GRID2: variants seen among roughly 807,000 people sequenced by gnomAD.
The protein encoded by GRID2 is glutamate ionotropic receptor delta type subunit 2, also known as glutamate receptor ionotropic, delta-2.
A neutral mutation model predicts 114.8 loss-of-function variants in GRID2; 33 were observed. That is an observed-to-expected ratio of 0.29 (90% CI 0.22 to 0.38). The LOEUF (loss-of-function observed/expected upper bound fraction) is 0.38. GRID2 is among the 10% of genes least tolerant of loss of function. The pLI, the probability that GRID2 is intolerant of heterozygous loss-of-function variation, is 1.00. For synonymous variants in GRID2, 505 were observed against 449.9 expected (o/e 1.12, Z -1.55); for missense variants, 1,184 against 1,257.7 (o/e 0.94, Z 0.89).
At chr4:93,313,148 A>G (rs1047859365) in intron 8 of GRID2, among the ~76,000 whole-genome samples, 6 of 152,132 alleles carry the variant, frequency 3.9e-5, no homozygotes, top group African/African-American at 1.4e-4. Context: ...GTTTGGAAAC[A>G]GGCAAATAGG....
At chr4:93,398,789 T>A (rs1424309961) in intron 9 of GRID2, among the ~76,000 whole-genome samples, 2 of 150,698 alleles carry the variant, frequency 1.3e-5, no homozygotes, top group Non-Finnish European at 3.0e-5. Flanking sequence ...GATGGACTTA[T>A]CAGTTGGGTG....
At chr4:93,451,643 A>AT (rs1280762427) in intron 10 of GRID2, among the ~76,000 whole-genome samples, 8 of 152,110 alleles carry the variant, frequency 5.3e-5, no homozygotes, top group Admixed American at 2.0e-4. Context: ...TACTTTGGCT[A>AT]CAATAGGGAG....
At chr4:93,172,548 A>C (rs376633743) in intron 4 of GRID2, among the ~76,000 whole-genome samples, 1 of 151,926 alleles carries the variant, frequency 6.6e-6, no homozygotes, top group Admixed American at 6.6e-5. Context: ...GCCGAGATCC[A>C]GCCATTGCAC....
intron 1 of GRID2, among the ~76,000 whole-genome samples, chr4:92,492,287 A>ATGG (rs1245374020): frequency 1.3e-5 from 2 of 152,200 alleles, no homozygotes; most frequent in Non-Finnish European, 2.9e-5. Context: ...GTTATTATAT[A>ATGG]TGGTTAGAAG....
chr4:93,742,882 G>T (rs945024684), intron 14 of GRID2, among the ~76,000 whole-genome samples: 1 of 152,080 alleles, frequency 6.6e-6, no homozygotes, highest in African/African-American at 2.4e-5. Flanking sequence ...AAAACAAAAA[G>T]AGTCTCTTTC....
rs575966215 is a variant in GRID2 at position 93,800,051 on chromosome 4, G to A, written c.222-6664G>A. 7.1e-4 allele frequency among the ~76,000 whole-genome samples: 108 copies of A among 152,270 alleles called. No homozygotes were observed. In the Middle Eastern group the frequency reaches 0.014, roughly 19 times the overall value. On this transcript the variant is annotated intron_variant, in intron 1 of 1. Coordinates refer to the GRID2 transcript ENST00000637838. ...AAAGCTCCTATGTTTCCTGGGCTTG[G>A]ATTAATATGTAGAGTAGGAGTTGGT...
rs70942993 is a variant in GRID2 at position 93,784,071 on chromosome 4, CAAAAAAAAAAAAAA to C, written c.221+14636_221+14649del. On this transcript the variant is annotated intron_variant, in intron 1 of 1. Transcript: ENST00000637838. The stretch of plus-strand genomic sequence containing the variant: ...TGGGCGACAGAGCGAGACTCCGTCT[CAAAAAAAAAAAAAA>C]AAAAAAAAAAAAAACCAACCCTTAT... Among the ~76,000 whole-genome samples, 16 of 38,992 alleles carry C rather than the reference CAAAAAAAAAAAAAA, an allele frequency of 4.1e-4. No individual in the cohort carries two copies. The South Asian group carries it at 5.1e-3, about 12-fold the overall frequency. 25.6% of individuals were successfully genotyped at this position (38,992 alleles called of 152,430 possible).
chr4:93,200,590 C>CAAACA (rs1554006839), intron 4 of GRID2, among the ~76,000 whole-genome samples: 3 of 151,422 alleles, frequency 2.0e-5, no homozygotes, highest in African/African-American at 7.3e-5. Flanking sequence ...AACAAACAAA[C>CAAACA]AAAAAAACAT....
chr4:93,699,795 A>C (rs1000615916), intron 14 of GRID2, among the ~76,000 whole-genome samples: 7 of 152,186 alleles, frequency 4.6e-5, no homozygotes, highest in Non-Finnish European at 7.4e-5. Flanking sequence ...GTTATGACAT[A>C]AAGTTTAAAA....
At chr4:93,683,493 C>A (rs1460844736) in intron 14 of GRID2, among the ~76,000 whole-genome samples, 1 of 151,990 alleles carries the variant, frequency 6.6e-6, no homozygotes, top group South Asian at 2.1e-4. Context: ...GATTTTGGTT[C>A]TTTCTTGAAA....
chr4:92,355,337 C>T (rs900713291), intron 1 of GRID2, among the ~76,000 whole-genome samples: 1 of 151,782 alleles, frequency 6.6e-6, no homozygotes, highest in African/African-American at 2.4e-5. Flanking sequence ...GCACTGTCTA[C>T]ATAGGCATGC....
intron 6 of GRID2, among the ~76,000 whole-genome samples, chr4:93,218,723 T>G (rs79343417): frequency 0.017 from 2,628 of 152,246 alleles, 74 homozygotes; most frequent in African/African-American, 0.06. Context: ...TATCTATATG[T>G]GTATTAGTTC....
chr4:92,400,533 C>T (rs2110279853), intron 1 of GRID2, among the ~76,000 whole-genome samples: 1 of 152,232 alleles, frequency 6.6e-6, no homozygotes, highest in African/African-American at 2.4e-5. Flanking sequence ...GTTATTTCCC[C>T]TTAAGGGCTA....
intron 4 of GRID2, among the ~76,000 whole-genome samples, chr4:93,206,266 A>G (rs1157217838): frequency 6.6e-6 from 1 of 152,040 alleles, no homozygotes; most frequent in African/African-American, 2.4e-5. Context: ...GTACTTTGAA[A>G]AAACATTGAG....
intron 14 of GRID2, among the ~76,000 whole-genome samples, chr4:93,714,423 C>A (rs1186468815): frequency 6.6e-6 from 1 of 152,120 alleles, no homozygotes; most frequent in Non-Finnish European, 1.5e-5. Flanking sequence ...ATCTTCATAA[C>A]AGAATGACTT....
intron 8 of GRID2, among the ~76,000 whole-genome samples, chr4:93,320,959 A>G (rs1400859022): frequency 6.6e-6 from 1 of 152,014 alleles, no homozygotes; most frequent in Non-Finnish European, 1.5e-5. Context: ...CTTGATATCC[A>G]CATGGAAGGA....
At chr4:92,709,197 T>A (rs544168555) in intron 2 of GRID2, among the ~76,000 whole-genome samples, 1 of 152,236 alleles carries the variant, frequency 6.6e-6, no homozygotes, top group Non-Finnish European at 1.5e-5. Context: ...AATGCCCAAC[T>A]TATCAATGAA....
At chr4:93,267,674 C>G (rs1751005199) in intron 8 of GRID2, among the ~76,000 whole-genome samples, 2 of 152,212 alleles carry the variant, frequency 1.3e-5, no homozygotes, top group Admixed American at 6.5e-5. Flanking sequence ...CCTCTCAGTC[C>G]AGTCCCACAA....
At chr4:92,757,877 T>C (rs926194363) in intron 2 of GRID2, among the ~76,000 whole-genome samples, 5 of 151,976 alleles carry the variant, frequency 3.3e-5, no homozygotes, top group Non-Finnish European at 5.9e-5. Context: ...ACATTGGATT[T>C]AGTAAGATAC....
Sources: gnomAD v4.1 joint callset for allele counts (sites outside exome capture counted in the v4.1 genomes callset) on GRCh38, gnomAD v4.1.1 for gene constraint, MANE v1.5 for transcripts, NCBI Gene and HGNC (gene_info 2026-07-23, HGNC 2026-07-21) for gene names.